Variants in DCAF4 observed in about 807,000 individuals in gnomAD.
DCAF4 encodes DDB1 and CUL4 associated factor 4.
A neutral mutation model predicts 60.9 loss-of-function variants in DCAF4; 37 were observed. That is an observed-to-expected ratio of 0.61 (90% CI 0.47 to 0.80). The LOEUF is 0.80. DCAF4 is among the 30% of genes least tolerant of loss of function. The pLI is 0.00. For synonymous variants in DCAF4, 243 were observed against 254.8 expected, an observed-to-expected ratio of 0.95 and a Z score of 0.44; for missense variants, 577 against 650.0, an observed-to-expected ratio of 0.89 and a Z score of 1.22.
At position 72,951,793 on chromosome 14, in the gene DCAF4, T is replaced by C. The variant is rs775704486; in HGVS notation, c.729-5T>C. The C allele has an allele frequency of 6.2e-7, 1 of 1,614,018 alleles. No homozygotes were observed. The highest frequency in any genetic ancestry group is 8.5e-7 in the Non-Finnish European group (1 of 1,180,026). The stretch of plus-strand genomic sequence containing the variant: ...TGCCTAACTGTCCTTAACAGCTTTT[T>C]CCAGGCTATGCCTCATGGGACTCGC... On this transcript the variant is annotated splice_region_variant and splice_polypyrimidine_tract_variant and intron_variant, in intron 8 of 13. Transcript: ENST00000358377.
At chr14:72,941,600 G>A in intron 4 of DCAF4, 145 bp from the exon 5 acceptor site, 2 of 713,926 alleles carry the variant, frequency 2.8e-6, no homozygotes, top group Non-Finnish European at 4.7e-6. Flanking sequence ...ACTTGGAAAG[G>A]ACACCGTCAG....
chr14:72,929,452 A>G (rs1888210473), intron 1 of DCAF4, among the ~76,000 whole-genome samples: 1 of 152,212 alleles, frequency 6.6e-6, no homozygotes. Context: ...CTGTCATCCC[A>G]ACGCTGCGCC....
chr14:72,930,061 A>G (rs1432265986), intron 1 of DCAF4: 15 of 545,714 alleles, frequency 2.7e-5, no homozygotes, highest in Non-Finnish European at 4.6e-5. Flanking sequence ...AGCCGGGGAG[A>G]TGGAGGTTGC....
chr14:72,946,138 T>C, intron 7 of DCAF4, 111 bp downstream of exon 7: 1 of 1,352,254 alleles, frequency 7.4e-7, no homozygotes, highest in Non-Finnish European at 1.0e-6. Flanking sequence ...ACTTACCTCA[T>C]TTTTCCATAA....
intron 1 of DCAF4, among the ~76,000 whole-genome samples, chr14:72,928,521 CTGT>C (rs768363946): frequency 6.6e-6 from 1 of 151,438 alleles, no homozygotes; most frequent in Non-Finnish European, 1.5e-5. Context: ...CAAAATTCCC[CTGT>C]TGTTGGATAT....
At position 72,943,099 on chromosome 14, in the gene DCAF4, G is replaced by A. The variant is rs1890264844; in HGVS notation, c.534+3G>A. 1 of 1,613,782 alleles carries A rather than the reference G, an allele frequency of 6.2e-7. No individual in the cohort carries two copies. On this transcript the variant is annotated splice_donor_region_variant and intron_variant, in intron 6 of 13. Transcript: ENST00000358377. ...GCGACCGATTTAACCTCATACTGGTGAGTGGGAGGGGGACACCTGCCTAGG... is the reference window on the plus strand; with the variant it reads ...GCGACCGATTTAACCTCATACTGGTAAGTGGGAGGGGGACACCTGCCTAGG...
At chr14:72,941,910 T>TGGTCTATCC in intron 5 of DCAF4, 86 bp downstream of exon 5, 1 of 1,434,056 alleles carries the variant, frequency 7.0e-7, no homozygotes, top group Non-Finnish European at 9.8e-7. Flanking sequence ...CCAGTCTGGA[T>TGGTCTATCC]AGACCATGTG....
chr14:72,940,035 G>T, intron 3 of DCAF4, 133 bp downstream of exon 3: 1 of 1,166,996 alleles, frequency 8.6e-7, no homozygotes, highest in Non-Finnish European at 1.2e-6. Context: ...AGGAATGGTG[G>T]TCATGAGGCA....
chr14:72,938,890 G>C (rs994473461), intron 2 of DCAF4, among the ~76,000 whole-genome samples: 4 of 151,938 alleles, frequency 2.6e-5, no homozygotes, highest in African/African-American at 9.7e-5. Flanking sequence ...TGTACACCAG[G>C]CTACATTACA....
chr14:72,955,687 G>A lies in DCAF4; in HGVS notation c.1170G>A (p.Met390Ile). The A allele has an allele frequency of 6.2e-7, 1 of 1,613,414 alleles. No homozygotes were observed. Among genetic ancestry groups the A allele is most frequent in the Non-Finnish European group, 8.5e-7 (1 of 1,179,612 alleles). ...AGCAATACCTGATGGCTTCAGACAT[G>A]GCTGGAAAGGTAGGGGATCATGGAC... ...QDEQYLMASD[M>I]AGKIKLWDLR... The change falls in exon 12 of 14, where the codon ATG becomes ATA. Residue 390 changes from methionine to isoleucine, a missense_variant. Coordinates refer to ENST00000358377, the MANE Select transcript of DCAF4 (RefSeq NM_015604.4).
In DCAF4 at chr14:72,942,982, C is replaced by CT. The variant is rs979620865; in HGVS notation, c.432-11dup. ...GCTTCAGCATCCATGCCCCCACCCT[C>CT]TGTTTCTGCAGTTTAGCCCACGAGC... On this transcript the variant is annotated splice_polypyrimidine_tract_variant and intron_variant, in intron 5 of 13. Transcript: ENST00000358377. The CT allele has an allele frequency of 3.7e-6, 6 of 1,613,612 alleles. No individual in the cohort carries two copies. Among genetic ancestry groups the CT allele is most frequent in the Non-Finnish European group, 5.1e-6 (6 of 1,179,736 alleles).
chr14:72,941,519 CAG>C (rs1396604824), intron 4 of DCAF4, among the ~76,000 whole-genome samples: 8 of 152,216 alleles, frequency 5.3e-5, no homozygotes, highest in African/African-American at 1.9e-4. Flanking sequence ...GGAGCGTGGG[CAG>C]AGTTGACGAG....
intron 13 of DCAF4, chr14:72,957,496 T>C (rs1892461378): frequency 6.6e-6 from 1 of 152,266 alleles, no homozygotes; most frequent in East Asian, 1.9e-4. Context: ...TGGAACATTT[T>C]TGTGGCTAGG....
intron 1 of DCAF4, among the ~76,000 whole-genome samples, chr14:72,927,351 T>C (rs1887726447): frequency 7.7e-4 from 3 of 3,900 alleles, no homozygotes; most frequent in Non-Finnish European, 1.7e-3. Flanking sequence ...TTCTTTTTTT[T>C]TTTTTTTTTT....
chr14:72,937,641 G>A (rs1039127880), intron 1 of DCAF4, among the ~76,000 whole-genome samples: 2 of 151,926 alleles, frequency 1.3e-5, no homozygotes, highest in Non-Finnish European at 2.9e-5. Context: ...GGCTGGTCTC[G>A]AACTCCTGAC....
chr14:72,952,332 G>A (rs1891526112), intron 9 of DCAF4, among the ~76,000 whole-genome samples: 1 of 152,178 alleles, frequency 6.6e-6, no homozygotes, highest in African/African-American at 2.4e-5. Flanking sequence ...AAGAGTGTGG[G>A]CTTCAGGCAG....
At position 72,958,691 on chromosome 14, in the gene DCAF4, C is replaced by A; in HGVS notation, c.1374C>A (p.Ala458=). Residue 458 remains alanine, a synonymous_variant, in exon 14 of 14, where the codon GCC becomes GCA. Transcript: ENST00000358377. ...GAACCATACCCTCCCCGTACCCTGC[C>A]TCCAAGGCCGACATTCCCAGTGTGG... The part of the protein sequence containing the change: ...LLRTIPSPYP[A]SKADIPSVAF... 6.2e-7 allele frequency: 1 copy of A among 1,614,224 alleles called. No individual in the cohort carries two copies.
Position 72,947,183 on chromosome 14 carries a change from C to G in DCAF4, c.720C>G (p.Ser240=). 1.2e-6 allele frequency: 2 copies of G among 1,614,052 alleles called. No homozygotes were observed. Among genetic ancestry groups the G allele is most frequent in the Non-Finnish European group, 1.7e-6 (2 of 1,179,960 alleles). Residue 240 remains serine, a synonymous_variant, in exon 8 of 14, where the codon TCC becomes TCG. Transcript: ENST00000358377. ...GGGCCTCGCTGAATCACTTGGATTC[C>G]CACATTCTGTATCCTTTGGCAGAGG... ...VCWASLNHLD[S]HILLCLMGLA... is the part of the protein sequence containing the mutation.
chr14:72,959,711 G>A, downstream of DCAF4: 5 of 967,062 alleles, frequency 5.2e-6, no homozygotes, highest in Non-Finnish European at 6.1e-6. Context: ...GCTGGGACCA[G>A]CTTTCATAGC....
Sources: allele counts gnomAD v4.1 joint callset (sites outside exome capture counted in the v4.1 genomes callset), GRCh38; gene constraint gnomAD v4.1.1; transcripts MANE v1.5; gene names NCBI Gene and HGNC (gene_info 2026-07-23, HGNC 2026-07-21).